The following MUC12 variants were observed in gnomAD, a reference collection of about 807,000 sequenced individuals.
MUC12 encodes the protein mucin-12.
MUC12 carries 172 observed loss-of-function variants against 230.8 expected under a neutral mutation model. The ratio of observed to expected loss-of-function variants is 0.75; its 90% confidence interval spans 0.66 to 0.85. MUC12 has a LOEUF of 0.85. MUC12 is among the 40% of genes least tolerant of loss of function. The probability of loss-of-function intolerance (pLI) is 0.00; values close to 1 mark genes in which losing one functional copy is unlikely to be tolerated. For missense variants in MUC12, 3,506 were observed against 5,920.6 expected (o/e 0.59, Z 13.38); for synonymous variants, 1,259 against 2,401.9 (o/e 0.52, Z 13.91).
Position 100,995,750 on chromosome 7 carries a change from T to G in MUC12, c.5187T>G (p.Ser1729=), listed in dbSNP as rs1793468383. 6.5e-7 allele frequency: 1 copy of G among 1,534,186 alleles called. No individual in the cohort carries two copies. The highest frequency in any genetic ancestry group is 1.4e-5 in the African/African-American group (1 of 71,614). Residue 1729 remains serine (S), a synonymous_variant, in exon 2 of 12, where the codon TCT becomes TCG. Coordinates refer to ENST00000536621, the MANE Select transcript of MUC12 (RefSeq NM_001164462.2). ...SPSSTPTTHF[S]ASSTTLGRSE... ...GCTCAACTCCAACAACCCACTTTTC[T>G]GCCAGCTCCACAACCTTGGGCCGTA...
At chr7:101,017,334 C>T (rs1162263514) in intron 10 of MUC12, 5 of 488,584 alleles carry the variant, frequency 1.0e-5, no homozygotes, top group Non-Finnish European at 1.8e-5. Flanking sequence ...GCTTCCACCC[C>T]GTGCATGTGG....
intron 5 of MUC12, among the ~76,000 whole-genome samples, chr7:101,010,499 G>A (rs1793825705): frequency 6.6e-6 from 1 of 151,976 alleles, no homozygotes. Flanking sequence ...ATCGTGCTTG[G>A]CTAATTTTTG....
At chr7:101,013,864 G>A (rs1193760569) in intron 8 of MUC12, 49 bp from the exon 9 acceptor site, 10 of 1,497,382 alleles carry the variant, frequency 6.7e-6, no homozygotes, top group Non-Finnish European at 8.9e-7. Context: ...TTGGGATATT[G>A]GATGTGAGGG....
Position 100,991,827 on chromosome 7 carries a change from A to G in MUC12, c.1264A>G (p.Thr422Ala). Residue 422 changes from threonine to alanine, a missense_variant, in exon 2 of 12, where the codon ACA (threonine) becomes GCA (alanine). Thr to Ala is a moderately conservative substitution (Grantham distance 58). Coordinates refer to ENST00000536621, the MANE Select transcript of MUC12 (RefSeq NM_001164462.2). ...CAGCAGCCTGGGCTCAACTGAAACA[A>G]CACACTTCCGTGATAGCTCCACAAT... ...YHSSLGSTET[T>A]HFRDSSTISG... 4 of 1,537,664 alleles carry G rather than the reference A, an allele frequency of 2.6e-6. No individual in the cohort carries two copies. In the East Asian group the frequency reaches 7.3e-5, roughly 28 times the overall value.
intron 10 of MUC12, chr7:101,016,798 C>T (rs948282254): frequency 1.3e-5 from 2 of 152,408 alleles, no homozygotes; most frequent in Non-Finnish European, 2.9e-5. Flanking sequence ...TCCGAGCTGA[C>T]CCTTGGGCCC....
Position 101,004,257 on chromosome 7 carries a change from C to T in MUC12, c.13694C>T (p.Ser4565Phe), listed in dbSNP as rs752121822. Residue 4565 changes from serine (S) to phenylalanine (F), a missense_variant, in exon 2 of 12, where the codon TCC becomes TTC. Coordinates refer to ENST00000536621, the MANE Select transcript of MUC12 (RefSeq NM_001164462.2). ...CCAACAACCCACTTTTCTGCCAGCTCCACAACCTTGGGCCGTAGTGAGGAA... is the reference window on the plus strand; with the variant it reads ...CCAACAACCCACTTTTCTGCCAGCTTCACAACCTTGGGCCGTAGTGAGGAA... ...STPTTHFSAS[S>F]TTLGRSEEST... 3.7e-6 allele frequency: 2 copies of T among 541,550 alleles called. No homozygotes were observed. Among genetic ancestry groups the T allele is most frequent in the Admixed American group, 5.7e-5 (1 of 17,522 alleles). The allele number at this position is 541,550 out of a possible 1,614,324, so 33.5% of individuals were successfully genotyped here. A position where few individuals can be genotyped will look rare whatever the true frequency, so the allele number is the denominator to read the frequency against.
At chr7:100,978,505 C>T (rs950009559) in intron 1 of MUC12, among the ~76,000 whole-genome samples, 7 of 152,244 alleles carry the variant, frequency 4.6e-5, no homozygotes, top group Non-Finnish European at 7.3e-5. Context: ...CAGAGAGGTT[C>T]GCTGGATTGC....
rs1258548022 is a variant in MUC12, at chr7:100,991,067, C to T, written c.504C>T (p.Ser168=). The T allele has an allele frequency of 1.3e-6, 2 of 1,537,672 alleles. No individual in the cohort carries two copies. Among genetic ancestry groups the T allele is most frequent in the Middle Eastern group, 1.7e-4 (1 of 5,996 alleles). ...GCGTCAGTGAAAAATCAACCACCTC[C>T]CACAGCCGACCAGGCCCAACGCACA... ...SSGVSEKSTT[S]HSRPGPTHTI... The change falls in exon 2 of 12, where the codon TCC becomes TCT. Residue 168 remains serine (S), a synonymous_variant. Transcript: ENST00000536621.
In MUC12 at chr7:101,018,830, C is replaced by T; in HGVS notation, c.*194C>T. 1.9e-6 allele frequency: 1 copy of T among 523,556 alleles called. No homozygotes were observed. Among genetic ancestry groups the T allele is most frequent in the Non-Finnish European group, 3.2e-6 (1 of 313,156 alleles). The allele number at this position is 523,556 out of a possible 1,614,324, so 32.4% of individuals were successfully genotyped here. A position where few individuals can be genotyped will look rare whatever the true frequency, so the allele number is the denominator to read the frequency against. On this transcript the variant is annotated 3_prime_UTR_variant, in exon 12 of 12. Transcript: ENST00000536621. ...GGAAGGCTGGGGGCTGTAAGCCTCT[C>T]CATCCGGGAGCTTCCAGACTCCCAG...
chr7:101,006,681 G>C, intron 3 of MUC12, 109 bp downstream of exon 3: 2 of 751,692 alleles, frequency 2.7e-6, no homozygotes, highest in Non-Finnish European at 4.6e-6. Context: ...GGTGGAGGAG[G>C]TGTGACTCTT....
chr7:101,005,611 T>C, intron 2 of MUC12, 92 bp downstream of exon 2: 5 of 1,380,392 alleles, frequency 3.6e-6, no homozygotes, highest in Non-Finnish European at 4.8e-6. Context: ...TTGGTTCTTT[T>C]CCTCTGTCTT....
chr7:100,989,469 A>G (rs1255825067), intron 1 of MUC12, among the ~76,000 whole-genome samples: 2 of 151,942 alleles, frequency 1.3e-5, no homozygotes, highest in Admixed American at 1.3e-4. Context: ...CAGACAATAT[A>G]AGGTCTGCAA....
chr7:100,992,416 C>G lies in MUC12; in HGVS notation c.1853C>G (p.Thr618Arg), dbSNP rs777565484. 15 of 1,537,560 alleles carry G rather than the reference C, an allele frequency of 9.8e-6. No homozygotes were observed. Among genetic ancestry groups the G allele is most frequent in the African/African-American group, 1.4e-5 (1 of 73,054 alleles). Residue 618 changes from threonine to arginine, a missense_variant, in exon 2 of 12, where the codon ACA becomes AGA. Coordinates refer to ENST00000536621, the MANE Select transcript of MUC12 (RefSeq NM_001164462.2). ...AGCAGCACCAGATCGCCACACACAA[C>G]ACTGTCCCCTGCCGGCTCTACAACC... ...VHSSTRSPHT[T>R]LSPAGSTTRQ...
In MUC12 at chr7:101,005,332, C is replaced by G; in HGVS notation, c.14769C>G (p.Arg4923=). 2.6e-6 allele frequency: 4 copies of G among 1,537,952 alleles called. No individual in the cohort carries two copies. Among genetic ancestry groups the G allele is most frequent in the Non-Finnish European group, 3.5e-6 (4 of 1,147,064 alleles). Residue 4923 remains arginine (R), a synonymous_variant, in exon 2 of 12, where the codon CGC becomes CGG. Coordinates refer to ENST00000536621, the MANE Select transcript of MUC12 (RefSeq NM_001164462.2). ...CTGGAACAACACCCTTACCTGCCCG[C>G]TCCACAGCCTCAGACCTTGTTGGAG... is the stretch of plus-strand genomic sequence containing the variant. ...DATGTTPLPA[R]STASDLVGEP... is the part of the protein sequence containing the mutation.
chr7:101,017,497 T>C, intron 10 of MUC12, 78 bp from the exon 11 acceptor site: 1 of 910,390 alleles, frequency 1.1e-6, no homozygotes, highest in Non-Finnish European at 1.7e-6. Flanking sequence ...CTCTTCCTTT[T>C]GCCAGAGGAA....
chr7:101,012,530 C>A, intron 6 of MUC12, 83 bp downstream of exon 6: 1 of 1,406,482 alleles, frequency 7.1e-7, no homozygotes, highest in South Asian at 1.4e-5. Context: ...CGTCTTCTTT[C>A]TTCTGGTACT....
intron 8 of MUC12, 102 bp downstream of exon 8, chr7:101,013,244 G>A: frequency 3.7e-6 from 5 of 1,351,510 alleles, no homozygotes; most frequent in South Asian, 1.4e-5. Context: ...TAGAGCTTGG[G>A]AGGTGCCTCC....
intron 3 of MUC12, 103 bp from the exon 4 acceptor site, chr7:101,008,531 G>T: frequency 1.4e-6 from 2 of 1,421,818 alleles, no homozygotes; most frequent in Non-Finnish European, 1.8e-6. Flanking sequence ...TTCCTCTTAA[G>T]TTTCTTTCAC....
chr7:100,971,070 C>A (rs531271613), intron 1 of MUC12, among the ~76,000 whole-genome samples: 5 of 152,084 alleles, frequency 3.3e-5, no homozygotes, highest in Non-Finnish European at 7.4e-5. Context: ...GCAGGAGAAT[C>A]ACTTGAACCC....
Sources: allele counts gnomAD v4.1 joint callset (sites outside exome capture counted in the v4.1 genomes callset), GRCh38; gene constraint gnomAD v4.1.1; transcripts MANE v1.5; gene names NCBI Gene and HGNC (gene_info 2026-07-23, HGNC 2026-07-21).